MGMT: variants seen among roughly 807,000 people sequenced by gnomAD.
MGMT encodes the protein O-6-methylguanine-DNA methyltransferase.
Under a neutral mutation model 15.9 loss-of-function variants are expected in MGMT, and 14 were observed. The ratio of observed to expected loss-of-function variants is 0.88; its 90% CI spans 0.58 to 1.37. The LOEUF (loss-of-function observed/expected upper bound fraction) is 1.37, where lower values mean the gene tolerates loss of function less well. Ranked by LOEUF, MGMT falls within the 40% of genes most tolerant of loss-of-function variation. The pLI is 0.00. For synonymous variants in MGMT, 130 were observed against 118.2 expected, an observed-to-expected ratio of 1.10 and a Z score of -0.65; for missense variants, 282 against 268.1, an observed-to-expected ratio of 1.05 and a Z score of -0.36.
chr10:129,498,269 C>T (rs576123971), intron 1 of MGMT, among the ~76,000 whole-genome samples: 26 of 152,286 alleles, frequency 1.7e-4, no homozygotes, highest in Admixed American at 1.5e-3. Context: ...TTGTGCATTT[C>T]CTCTTGGTAA....
chr10:129,477,263 T>G (rs1266904920), intron 1 of MGMT, among the ~76,000 whole-genome samples: 3 of 152,216 alleles, frequency 2.0e-5, no homozygotes, highest in Non-Finnish European at 4.4e-5. Flanking sequence ...TCTGGGGCCC[T>G]TCACACACCA....
chr10:129,486,925 CT>C (rs1476256767), intron 1 of MGMT, among the ~76,000 whole-genome samples: 2 of 152,192 alleles, frequency 1.3e-5, no homozygotes, highest in East Asian at 3.9e-4. Context: ...GCAGTCAGGA[CT>C]TTAATCAGTT....
At position 129,614,127 on chromosome 10, in the gene MGMT, C is replaced by A. The variant is rs182215444; in HGVS notation, c.125+77750C>A. On this transcript the variant is annotated intron_variant, in intron 2 of 4. Coordinates refer to ENST00000651593, the MANE Select transcript of MGMT (RefSeq NM_002412.5). Reference sequence around the variant, plus strand: ...CCCCCTTCCCCAGCCCTGGCACCCACCCTTCTACTGTCTCTATGAGTCTGA... The same window carrying A: ...CCCCCTTCCCCAGCCCTGGCACCCAACCTTCTACTGTCTCTATGAGTCTGA... Among the ~76,000 whole-genome samples, 10 of 152,256 alleles carry A rather than the reference C, an allele frequency of 6.6e-5. No homozygotes were observed. The East Asian group carries it at 1.9e-3, about 29-fold the overall frequency.
intron 3 of MGMT, among the ~76,000 whole-genome samples, chr10:129,750,392 CT>C (rs906632429): frequency 1.3e-5 from 2 of 151,788 alleles, no homozygotes; most frequent in East Asian, 1.9e-4. Context: ...TTGCTTTTTG[CT>C]TTTTTTTGTC....
Position 129,566,318 on chromosome 10 carries a change from C to T in MGMT, c.125+29941C>T, listed in dbSNP as rs560717173. 1.1e-4 allele frequency among the ~76,000 whole-genome samples: 16 copies of T among 152,310 alleles called. No individual in the cohort carries two copies. Among genetic ancestry groups the T allele is most frequent in the African/African-American group, 2.2e-4 (9 of 41,572 alleles). Reference sequence around the variant, plus strand: ...GAGGCAGAGCTCTGACTGTTTCATTCGACTACGTTGCCAAGGAGATGCTCG... The same window carrying T: ...GAGGCAGAGCTCTGACTGTTTCATTTGACTACGTTGCCAAGGAGATGCTCG... On this transcript the variant is annotated intron_variant, in intron 2 of 4. Transcript: ENST00000651593. This position sits in a 1 kb window ranked among gnomAD's most constrained non-coding sequence, Gnocchi z 4.1.
chr10:129,490,331 C>T (rs1030457179), intron 1 of MGMT, among the ~76,000 whole-genome samples: 1 of 152,076 alleles, frequency 6.6e-6, no homozygotes, highest in Non-Finnish European at 1.5e-5. Flanking sequence ...ATCATGACTT[C>T]TAGGGAATTA....
At chr10:129,476,350 G>C (rs1180096676) in intron 1 of MGMT, among the ~76,000 whole-genome samples, 1 of 152,098 alleles carries the variant, frequency 6.6e-6, no homozygotes, top group African/African-American at 2.4e-5. Context: ...TTCTCTTCTG[G>C]GTGTGAGGAT....
chr10:129,716,194 T>C (rs1848294267), intron 3 of MGMT, among the ~76,000 whole-genome samples: 1 of 152,204 alleles, frequency 6.6e-6, no homozygotes, highest in African/African-American at 2.4e-5. Context: ...CTCCGTTTAG[T>C]TCGGATCAGG....
chr10:129,714,697 C>T (rs1186225419), intron 3 of MGMT, among the ~76,000 whole-genome samples: 1 of 152,096 alleles, frequency 6.6e-6, no homozygotes, highest in East Asian at 1.9e-4. Flanking sequence ...TGTGCTTTAC[C>T]CTCTACTAAG....
intron 2 of MGMT, among the ~76,000 whole-genome samples, chr10:129,648,999 C>T (rs186211057): frequency 5.4e-4 from 83 of 152,324 alleles, no homozygotes; most frequent in African/African-American, 1.8e-3. Context: ...TTCATGCTTG[C>T]GAGCTTTCCA....
rs547047397 is a variant in MGMT, at chr10:129,671,143, C to T, written c.126-36752C>T. 1.1e-4 allele frequency among the ~76,000 whole-genome samples: 16 copies of T among 152,232 alleles called. No homozygotes were observed. In the South Asian group the frequency reaches 3.3e-3, roughly 32 times the overall value. The stretch of plus-strand genomic sequence containing the variant: ...GTCAAACACACCCATTAGTAAAAAT[C>T]GAATTACATAAATTTACAGTTAAAT... On this transcript the variant is annotated intron_variant, in intron 2 of 4. Coordinates refer to ENST00000651593, the MANE Select transcript of MGMT (RefSeq NM_002412.5).
intron 2 of MGMT, among the ~76,000 whole-genome samples, chr10:129,607,211 A>C (rs1316394148): frequency 6.6e-6 from 1 of 152,028 alleles, no homozygotes; most frequent in African/African-American, 2.4e-5. Context: ...ACCACGCGTA[A>C]ATCCTCAGAA....
At chr10:129,573,878 ATACT>A (rs538669379) in intron 2 of MGMT, among the ~76,000 whole-genome samples, 131 of 152,370 alleles carry the variant, frequency 8.6e-4, no homozygotes, top group African/African-American at 1.9e-3. Flanking sequence ...CGAATGGAGA[ATACT>A]TAGATTCTAA....
chr10:129,488,042 T>C (rs985916046), intron 1 of MGMT, among the ~76,000 whole-genome samples: 35 of 115,338 alleles, frequency 3.0e-4, no homozygotes, highest in Admixed American at 5.2e-4. Context: ...CACACACACA[T>C]GAATATACCT....
chr10:129,748,598 A>C (rs1243197396), intron 3 of MGMT, among the ~76,000 whole-genome samples: 2 of 152,126 alleles, frequency 1.3e-5, no homozygotes, highest in Non-Finnish European at 2.9e-5. Flanking sequence ...GCTCCTTGCT[A>C]TGGGGGTGGT....
intron 3 of MGMT, among the ~76,000 whole-genome samples, chr10:129,731,570 GT>G (rs1848498641): frequency 6.6e-6 from 1 of 151,756 alleles, no homozygotes; most frequent in African/African-American, 2.4e-5. Flanking sequence ...TGATTTTAGT[GT>G]TTTTAGTAGA....
intron 3 of MGMT, among the ~76,000 whole-genome samples, chr10:129,744,231 A>G (rs1306522684): frequency 2.6e-5 from 4 of 152,110 alleles, no homozygotes; most frequent in Admixed American, 2.0e-4. Flanking sequence ...AAGCCCAGAG[A>G]ACCCCACTGC....
At chr10:129,547,755 T>G (rs929753186) in intron 2 of MGMT, among the ~76,000 whole-genome samples, 2 of 152,200 alleles carry the variant, frequency 1.3e-5, no homozygotes, top group Admixed American at 1.3e-4. Context: ...CGAGTAACAC[T>G]GGGGAGTGTT....
chr10:129,524,981 G>A (rs1468807149), intron 1 of MGMT, among the ~76,000 whole-genome samples: 3 of 152,232 alleles, frequency 2.0e-5, no homozygotes, highest in Non-Finnish European at 2.9e-5. Context: ...CTAAACTGTC[G>A]GAATGGATAT....
Sources: allele counts gnomAD v4.1 joint callset (sites outside exome capture counted in the v4.1 genomes callset), GRCh38; gene constraint gnomAD v4.1.1; non-coding constraint Gnocchi (gnomAD v3.1); transcripts MANE v1.5; gene names NCBI Gene and HGNC (gene_info 2026-07-23, HGNC 2026-07-21).